LRRC9: variants seen among roughly 807,000 people sequenced by gnomAD.
The protein encoded by LRRC9 is leucine-rich repeat-containing protein 9.
A neutral mutation model predicts 63.2 loss-of-function variants in LRRC9; 122 were observed. The ratio of observed to expected loss-of-function variants is 1.93; its 90% confidence interval spans 1.67 to 2.24. LRRC9 has a LOEUF of 2.24. Among genes scored for constraint, LRRC9 ranks in the 30% most tolerant of loss-of-function variants. The pLI is 0.00. For synonymous variants in LRRC9, 366 were observed against 213.1 expected (o/e 1.72, Z -6.25); for missense variants, 1,071 against 627.7 (o/e 1.71, Z -7.55).
chr14:60,040,468 G>A (rs575392571), intron 29 of LRRC9, among the ~76,000 whole-genome samples: 1 of 151,996 alleles, frequency 6.6e-6, no homozygotes, highest in East Asian at 1.9e-4. Context: ...TATATATGTA[G>A]GATAGTTAGC....
At chr14:60,000,492 C>T (rs777678978) in intron 19 of LRRC9, among the ~76,000 whole-genome samples, 1 of 151,990 alleles carries the variant, frequency 6.6e-6, no homozygotes, top group Non-Finnish European at 1.5e-5. Context: ...TGCTAAAATC[C>T]TTTAAGACAA....
At chr14:59,946,320 TAAA>T (rs980057734) in intron 8 of LRRC9, among the ~76,000 whole-genome samples, 47 of 150,828 alleles carry the variant, frequency 3.1e-4, no homozygotes, top group Admixed American at 3.0e-3. Context: ...AAATTAATAA[TAAA>T]AAAGATTATT....
At chr14:60,011,413 C>T (rs919762406) in intron 23 of LRRC9, among the ~76,000 whole-genome samples, 1 of 152,206 alleles carries the variant, frequency 6.6e-6, no homozygotes, top group Admixed American at 6.5e-5. Flanking sequence ...GGTGGGGACA[C>T]AGAGCCAATC....
chr14:60,043,756 C>CTTTTTTTTTT (rs368065898), intron 29 of LRRC9, among the ~76,000 whole-genome samples: 46 of 71,518 alleles, frequency 6.4e-4, no homozygotes, highest in East Asian at 2.7e-3. Context: ...TTTTCTTTTC[C>CTTTTTTTTTT]TTTTTTTTTT....
chr14:60,037,321 G>A (rs1298579098), intron 29 of LRRC9, among the ~76,000 whole-genome samples: 1 of 152,182 alleles, frequency 6.6e-6, no homozygotes, highest in East Asian at 1.9e-4. Context: ...TCTAGTTCTA[G>A]ATCCTTGAGG....
rs996392650 is a variant in LRRC9, at chr14:59,986,368, A to G, written c.2211+1144A>G. On this transcript the variant is annotated intron_variant, in intron 17 of 31. Transcript: ENST00000445360. This position sits in a 1 kb window ranked among gnomAD's most constrained non-coding sequence, Gnocchi z 4.7. ...TTCTTTATTCCAGCTCCTTGCTACT[A>G]TATCAAAGCCTTTACATTATTTCTT... 6.6e-6 allele frequency among the ~76,000 whole-genome samples: 1 copy of G among 152,172 alleles called. No individual in the cohort carries two copies. Among genetic ancestry groups the G allele is most frequent in the Non-Finnish European group, 1.5e-5 (1 of 68,018 alleles).
intron 18 of LRRC9, among the ~76,000 whole-genome samples, chr14:59,998,859 C>T (rs1449387354): frequency 6.6e-6 from 1 of 152,012 alleles, no homozygotes; most frequent in Non-Finnish European, 1.5e-5. Context: ...ACCGCAGTCA[C>T]TTTTCAATAG....
chr14:59,929,244 A>G (rs1349253459), intron 3 of LRRC9, among the ~76,000 whole-genome samples: 1 of 152,148 alleles, frequency 6.6e-6, no homozygotes, highest in Non-Finnish European at 1.5e-5. Context: ...AAACAACCCC[A>G]TTAAAAAGTG....
At position 59,966,650 on chromosome 14, in the gene LRRC9, G is replaced by A. The variant is rs546523861; in HGVS notation, c.1273G>A (p.Gly425Ser). Residue 425 changes from glycine to serine, a missense_variant, in exon 11 of 32, where the codon GGT (glycine) becomes AGT (serine). Physicochemically the swap from Gly to Ser is moderately conservative, Grantham distance 56. Coordinates refer to ENST00000445360, the Ensembl canonical transcript of LRRC9. This position sits in a 1 kb window ranked among gnomAD's most constrained non-coding sequence, Gnocchi z 4.0. The stretch of plus-strand genomic sequence containing the variant: ...TTGTGCCTGGGACTTCAGAACATAC[G>A]GTATTACAGGAGTAAAAGTAAAACG... 2.4e-4 allele frequency: 164 copies of A among 695,052 alleles called. 3 individuals are homozygous for A. Among genetic ancestry groups the A allele is most frequent in the South Asian group, 2.2e-3 (144 of 66,238 alleles). The allele number at this position is 695,052 out of a possible 1,614,324, so 43.1% of individuals were successfully genotyped here.
intron 29 of LRRC9, among the ~76,000 whole-genome samples, chr14:60,038,248 G>A (rs1892623165): frequency 6.6e-6 from 1 of 152,154 alleles, no homozygotes; most frequent in African/African-American, 2.4e-5. Context: ...TGGCAATGCG[G>A]GCTCTTTTTT....
chr14:59,974,645 T>C (rs970143570), exon 13 of LRRC9: 8 of 693,024 alleles, frequency 1.2e-5, no homozygotes, highest in Admixed American at 2.1e-5. Context: ...CAGAATTGAA[T>C]TTTTACAGCA....
At chr14:59,926,825 A>G (rs1889248575) in intron 1 of LRRC9, among the ~76,000 whole-genome samples, 1 of 152,168 alleles carries the variant, frequency 6.6e-6, no homozygotes, top group South Asian at 2.1e-4. Flanking sequence ...GAAACCCCAA[A>G]GAAATTTGTA....
exon 16 of LRRC9, chr14:59,982,054 T>C (rs1265443628): frequency 1.4e-6 from 1 of 698,020 alleles, no homozygotes; most frequent in Non-Finnish European, 2.6e-6. Flanking sequence ...TTTACAGTCA[T>C]ATTGTGGTGA....
chr14:59,959,899 G>T lies in LRRC9; in HGVS notation c.964G>T (p.Glu322Ter), dbSNP rs1319563505. The change falls in exon 9 of 32, where the codon GAA becomes TAA. Residue 322 changes from glutamate to a stop codon, truncating the protein, a stop_gained. Coordinates refer to ENST00000445360, the Ensembl canonical transcript of LRRC9. LOFTEE classifies it high-confidence loss of function. The stretch of plus-strand genomic sequence containing the variant: ...CAATAACAGTAAAGTAACTGATCCT[G>T]AAACACTGAAGAGTTGTGAAACTGT... 1.4e-6 allele frequency: 1 copy of T among 700,624 alleles called. No homozygotes were observed. The highest frequency in any genetic ancestry group is 2.7e-5 in the East Asian group (1 of 37,140). The allele number at this position is 700,624 out of a possible 1,614,324, so 43.4% of individuals were successfully genotyped here. A position where few individuals can be genotyped will look rare whatever the true frequency, so the allele number is the denominator to read the frequency against.
intron 17 of LRRC9, among the ~76,000 whole-genome samples, chr14:59,987,648 C>T (rs2140130269): frequency 6.6e-6 from 1 of 151,938 alleles, no homozygotes; most frequent in Admixed American, 6.6e-5. Flanking sequence ...CAGATAGGAT[C>T]AGACCCAGGT....
chr14:60,033,476 T>C (rs1258664413), intron 29 of LRRC9, among the ~76,000 whole-genome samples: 1 of 152,098 alleles, frequency 6.6e-6, no homozygotes, highest in East Asian at 1.9e-4. Context: ...TCCTTTCTAG[T>C]TCCAGTTTCC....
At chr14:60,015,955 C>T (rs1480806202) in intron 23 of LRRC9, among the ~76,000 whole-genome samples, 1 of 152,128 alleles carries the variant, frequency 6.6e-6, no homozygotes, top group Admixed American at 6.6e-5. Context: ...GGCTTGTTAT[C>T]GTCTAAAGTT....
chr14:60,000,933 TAC>T (rs1889303408), intron 19 of LRRC9, among the ~76,000 whole-genome samples: 1 of 152,048 alleles, frequency 6.6e-6, no homozygotes, highest in Non-Finnish European at 1.5e-5. Flanking sequence ...GATCTGAACA[TAC>T]ACTTCACTGG....
In LRRC9 at chr14:59,930,966, T is replaced by C. The variant is rs1889653516; in HGVS notation, c.316T>C (p.Tyr106His). Residue 106 changes from tyrosine (Y) to histidine (H), a missense_variant, in exon 4 of 32, where the codon TAT (tyrosine) becomes CAT (histidine). Tyr to His is a moderately conservative substitution (Grantham distance 83). Coordinates refer to ENST00000445360, the Ensembl canonical transcript of LRRC9. This position sits in a 1 kb window ranked among gnomAD's most constrained non-coding sequence, Gnocchi z 4.9. The stretch of plus-strand genomic sequence containing the variant: ...TAGAAATTTGGAAAAACTATATTTA[T>C]ATTTTAATAAAATTTCCAAAATAGA... 2 of 456,434 alleles carry C rather than the reference T, an allele frequency of 4.4e-6. No individual in the cohort carries two copies. The highest frequency in any genetic ancestry group is 7.9e-6 in the Non-Finnish European group (2 of 253,078). 28.3% of individuals were successfully genotyped at this position (456,434 alleles called of 1,614,324 possible).
Sources: allele counts gnomAD v4.1 joint callset (sites outside exome capture counted in the v4.1 genomes callset), GRCh38; gene constraint gnomAD v4.1.1; non-coding constraint Gnocchi (gnomAD v3.1); transcripts MANE v1.5; gene names NCBI Gene and HGNC (gene_info 2026-07-23, HGNC 2026-07-21).